Variants in VPS13C observed in about 807,000 individuals in gnomAD.
VPS13C encodes vacuolar protein sorting 13 homolog C, also known as intermembrane lipid transfer protein VPS13C.
VPS13C carries 358 observed loss-of-function variants against 456.8 expected under a neutral mutation model. The ratio of observed to expected loss-of-function variants is 0.78; its 90% CI spans 0.72 to 0.86. The LOEUF is 0.86. Among genes scored for constraint, VPS13C ranks in the 40% least tolerant of loss-of-function variants. VPS13C has a pLI of 0.00. For missense variants in VPS13C, 4,818 were observed against 4,385.4 expected (o/e 1.10, Z -2.79); for synonymous variants, 1,578 against 1,486.7 (o/e 1.06, Z -1.41).
intron 80 of VPS13C, among the ~76,000 whole-genome samples, 198 bp downstream of exon 80, chr15:61,869,302 G>GA (rs1401515195): frequency 1.3e-5 from 2 of 151,982 alleles, no homozygotes; most frequent in South Asian, 4.1e-4. Flanking sequence ...ATTTTTAGTA[G>GA]AGATGGGGTT....
intron 65 of VPS13C, among the ~76,000 whole-genome samples, chr15:61,908,542 T>G (rs1381233425): frequency 6.6e-6 from 1 of 152,116 alleles, no homozygotes; most frequent in Non-Finnish European, 1.5e-5. Context: ...TCATTTAACC[T>G]TCTACTATCC....
At chr15:61,875,565 A>G (rs886994176) in intron 76 of VPS13C, among the ~76,000 whole-genome samples, 167 bp downstream of exon 76, 11 of 152,034 alleles carry the variant, frequency 7.2e-5, no homozygotes, top group African/African-American at 2.7e-4. Flanking sequence ...CAATCATCCA[A>G]TGTTATCTCA....
chr15:62,010,374 C>G, intron 13 of VPS13C, 98 bp downstream of exon 13: 1 of 1,290,420 alleles, frequency 7.7e-7, no homozygotes, highest in Non-Finnish European at 1.0e-6. Flanking sequence ...CATAACAAAC[C>G]CCAAAAAACC....
intron 66 of VPS13C, among the ~76,000 whole-genome samples, chr15:61,897,966 G>C (rs1188409160): frequency 1.3e-5 from 2 of 152,126 alleles, no homozygotes; most frequent in East Asian, 3.9e-4. Context: ...TTGAAGAAAA[G>C]AATTTTCAAC....
chr15:61,948,683 C>CAA, intron 42 of VPS13C, among the ~76,000 whole-genome samples: 1 of 130,028 alleles, frequency 7.7e-6, no homozygotes, highest in Admixed American at 7.9e-5. Context: ...AATTCCGTCT[C>CAA]AAAAAAAAAA....
intron 66 of VPS13C, among the ~76,000 whole-genome samples, chr15:61,894,630 A>T (rs1315014288): frequency 6.6e-6 from 1 of 152,208 alleles, no homozygotes; most frequent in Non-Finnish European, 1.5e-5. Flanking sequence ...GGCTAAGATT[A>T]CAAAAAGAGA....
Position 61,881,621 on chromosome 15 carries a change from A to C in VPS13C, c.9718T>G (p.Phe3240Val). The C allele has an allele frequency of 6.2e-7, 1 of 1,612,788 alleles. No individual in the cohort carries two copies. The highest frequency in any genetic ancestry group is 8.5e-7 in the Non-Finnish European group (1 of 1,179,324). ...SIALDSEPKP[F>V]IDVSVITRFN... Reference sequence around the variant, plus strand: ...CTTGTGATGACACTCACATCAATGAAAGGCTTGGGCTCTAAGAGGAAGAAG... The same window carrying C: ...CTTGTGATGACACTCACATCAATGACAGGCTTGGGCTCTAAGAGGAAGAAG... The change falls in exon 71 of 85, where the codon TTC (phenylalanine) becomes GTC (valine). Residue 3240 changes from phenylalanine (F) to valine (V), a missense_variant. Physicochemically the swap from Phe to Val is conservative, Grantham distance 50. This residue lies in a region of VPS13C where 4,552 missense variants were observed against 4,130.6 expected (regional missense o/e 1.10). Coordinates refer to ENST00000644861, the MANE Select transcript of VPS13C (RefSeq NM_020821.3).
At chr15:61,961,152 T>A (rs1287800511) in intron 35 of VPS13C, among the ~76,000 whole-genome samples, 1 of 145,436 alleles carries the variant, frequency 6.9e-6, no homozygotes, top group East Asian at 2.1e-4. Flanking sequence ...ACTTTGGGGG[T>A]CCAAAGCAGG....
At chr15:62,006,625 C>T (rs1256657910) in intron 15 of VPS13C, among the ~76,000 whole-genome samples, 16 of 152,178 alleles carry the variant, frequency 1.1e-4, no homozygotes, top group South Asian at 2.1e-4. Flanking sequence ...TACCCAGTAA[C>T]GGGATGGCTG....
intron 66 of VPS13C, among the ~76,000 whole-genome samples, chr15:61,893,838 T>A (rs115818635): frequency 0.02 from 3,046 of 152,150 alleles, 65 homozygotes; most frequent in East Asian, 0.069. Flanking sequence ...TTTAAAATAA[T>A]GTATTGTGTC....
intron 53 of VPS13C, among the ~76,000 whole-genome samples, chr15:61,923,118 C>G (rs61192736): frequency 6.7e-4 from 102 of 151,200 alleles, no homozygotes; most frequent in Non-Finnish European, 4.7e-4. Context: ...TAAACAAATT[C>G]TTCATTTTAA....
intron 16 of VPS13C, among the ~76,000 whole-genome samples, chr15:61,992,447 A>C (rs1354537540): frequency 6.6e-6 from 1 of 152,222 alleles, no homozygotes; most frequent in African/African-American, 2.4e-5. Flanking sequence ...TCCCTGAATA[A>C]GTAAATTTCA....
intron 2 of VPS13C, among the ~76,000 whole-genome samples, chr15:62,042,264 T>C (rs1190316224): frequency 2.6e-5 from 4 of 152,162 alleles, no homozygotes; most frequent in Admixed American, 2.0e-4. Context: ...ACTTTTTTTA[T>C]TCACAGAATA....
At chr15:61,915,579 G>C in intron 61 of VPS13C, 54 bp downstream of exon 61, 1 of 1,497,320 alleles carries the variant, frequency 6.7e-7, no homozygotes, top group Non-Finnish European at 8.9e-7. Context: ...TGACTCCCAA[G>C]TTTCTAGATT....
At chr15:61,957,716 A>G (rs2045053795) in intron 37 of VPS13C, among the ~76,000 whole-genome samples, 1 of 152,130 alleles carries the variant, frequency 6.6e-6, no homozygotes, top group East Asian at 1.9e-4. Flanking sequence ...GTGTTATCCT[A>G]TAGAAATATA....
chr15:61,872,311 A>G (rs749698749), intron 78 of VPS13C, among the ~76,000 whole-genome samples: 2 of 152,174 alleles, frequency 1.3e-5, no homozygotes, highest in African/African-American at 2.4e-5. Context: ...CTATGACACC[A>G]ATCAGCTACG....
intron 66 of VPS13C, among the ~76,000 whole-genome samples, chr15:61,895,855 T>C (rs112179228): frequency 6.6e-6 from 1 of 152,046 alleles, no homozygotes; most frequent in African/African-American, 2.4e-5. Flanking sequence ...AGATACAAAA[T>C]TACAGCAAGA....
Position 61,920,345 on chromosome 15 carries a change from T to C in VPS13C, c.7213-14A>G, listed in dbSNP as rs2043613113. 6.4e-7 allele frequency: 1 copy of C among 1,559,134 alleles called. No individual in the cohort carries two copies. Among genetic ancestry groups the C allele is most frequent in the Non-Finnish European group, 8.7e-7 (1 of 1,152,164 alleles). On this transcript the variant is annotated splice_polypyrimidine_tract_variant and intron_variant, in intron 56 of 84. Transcript: ENST00000644861. ...CTCTGAAAAACCCTGAAAAGGAACA[T>C]ATCATCACAGTAAAATTTTTGAAAA...
chr15:61,887,796 G>A (rs1014815196), intron 67 of VPS13C, among the ~76,000 whole-genome samples: 9 of 152,154 alleles, frequency 5.9e-5, no homozygotes, highest in African/African-American at 2.2e-4. Context: ...TTTCGGTATA[G>A]TGGAGACTTC....
Sources: allele counts gnomAD v4.1 joint callset (sites outside exome capture counted in the v4.1 genomes callset), GRCh38; gene constraint gnomAD v4.1.1; regional missense constraint gnomAD v4.1.1; transcripts MANE v1.5; gene names NCBI Gene and HGNC (gene_info 2026-07-23, HGNC 2026-07-21).